TXNRD1: variants seen among roughly 807,000 people sequenced by gnomAD.
The protein encoded by TXNRD1 is thioredoxin reductase 1.
TXNRD1 carries 57 observed loss-of-function variants against 80.3 expected under a neutral mutation model. That is an observed-to-expected ratio of 0.71 (90% confidence interval 0.57 to 0.89). TXNRD1 has a LOEUF of 0.89. TXNRD1 is among the 40% of genes least tolerant of loss of function. The probability of loss-of-function intolerance (pLI) is 0.00; values close to 1 mark genes in which losing one functional copy is unlikely to be tolerated. For missense variants in TXNRD1, 730 were observed against 803.0 expected, an observed-to-expected ratio of 0.91 and a Z score of 1.10; for synonymous variants, 291 against 285.2, an observed-to-expected ratio of 1.02 and a Z score of -0.20.
At chr12:104,261,415 G>A (rs191503545) in intron 3 of TXNRD1, among the ~76,000 whole-genome samples, 36 of 152,184 alleles carry the variant, frequency 2.4e-4, no homozygotes, top group Admixed American at 4.6e-4. Flanking sequence ...CATCCACCTC[G>A]GCCTCCCAAA....
chr12:104,309,784 G>A, intron 4 of TXNRD1: 2 of 1,532,352 alleles, frequency 1.3e-6, no homozygotes, highest in South Asian at 1.2e-5. Context: ...GAGGAACCTT[G>A]GCCATAATGC....
intron 5 of TXNRD1, 34 bp from the exon 6 acceptor site, chr12:104,313,211 C>A (rs776510957): frequency 5.2e-6 from 8 of 1,526,910 alleles, no homozygotes; most frequent in Non-Finnish European, 8.9e-7. Flanking sequence ...TCATGTTAAC[C>A]TTTCCAACTC....
At chr12:104,264,263 A>G (rs1406731032) in intron 3 of TXNRD1, among the ~76,000 whole-genome samples, 1 of 152,254 alleles carries the variant, frequency 6.6e-6, no homozygotes, top group Non-Finnish European at 1.5e-5. Flanking sequence ...TAAAGGCTGT[A>G]GGATCACGGG....
chr12:104,313,082 C>T (rs1387003864), intron 5 of TXNRD1, among the ~76,000 whole-genome samples, 163 bp from the exon 6 acceptor site: 1 of 152,078 alleles, frequency 6.6e-6, no homozygotes, highest in Non-Finnish European at 1.5e-5. Context: ...TAATTTTTAT[C>T]CTGGAGTTTA....
intron 4 of TXNRD1, among the ~76,000 whole-genome samples, chr12:104,290,712 G>GAAATAT (rs2034154207): frequency 2.4e-4 from 10 of 42,364 alleles, no homozygotes; most frequent in Non-Finnish European, 4.1e-4. Context: ...AAAAAAAAAA[G>GAAATAT]AAATATACAT....
At chr12:104,340,831 A>G (rs952817881) in intron 16 of TXNRD1, among the ~76,000 whole-genome samples, 1 of 152,222 alleles carries the variant, frequency 6.6e-6, no homozygotes. Flanking sequence ...ATGGGGACAC[A>G]ATTCAACCCA....
intron 3 of TXNRD1, chr12:104,265,588 T>C: frequency 6.2e-7 from 1 of 1,607,582 alleles, no homozygotes; most frequent in Non-Finnish European, 8.5e-7. Flanking sequence ...CCACAACATG[T>C]ACCGGGAATA....
intron 1 of TXNRD1, among the ~76,000 whole-genome samples, chr12:104,251,306 G>C (rs935315085): frequency 1.3e-5 from 2 of 152,168 alleles, no homozygotes; most frequent in African/African-American, 4.8e-5. Flanking sequence ...AACATATCTT[G>C]ACTGTGATCT....
chr12:104,263,856 G>A (rs1259179193), intron 3 of TXNRD1, among the ~76,000 whole-genome samples: 1 of 152,154 alleles, frequency 6.6e-6, no homozygotes, highest in Non-Finnish European at 1.5e-5. Context: ...TCTTTTTATG[G>A]CAGTGTCTCA....
In TXNRD1 at chr12:104,265,671, C is replaced by A. The variant is rs1593725260; in HGVS notation, c.304+7592C>A. ...TGGGTGCCCGGCACCGCGCCCGAGCCCACTCCATTCAGATCATGAAGGTGG... is the reference window on the plus strand; with the variant it reads ...TGGGTGCCCGGCACCGCGCCCGAGCACACTCCATTCAGATCATGAAGGTGG... On this transcript the variant is annotated intron_variant, in intron 3 of 16. Coordinates refer to ENST00000525566, the MANE Select transcript of TXNRD1 (RefSeq NM_001093771.3). 8 of 1,605,230 alleles carry A rather than the reference C, an allele frequency of 5.0e-6. No individual in the cohort carries two copies. In the East Asian group the frequency reaches 1.8e-4, roughly 36 times the overall value.
chr12:104,271,008 G>A (rs11111968), intron 3 of TXNRD1, among the ~76,000 whole-genome samples: 63,485 of 151,670 alleles, frequency 0.42, 13,706 homozygotes, highest in East Asian at 0.66. Flanking sequence ...AAAATTAGCC[G>A]GGTGTGGTGG....
chr12:104,335,727 C>A (rs1011704675), intron 15 of TXNRD1, among the ~76,000 whole-genome samples: 4 of 152,076 alleles, frequency 2.6e-5, no homozygotes, highest in African/African-American at 9.7e-5. Flanking sequence ...GAAACGACCT[C>A]AGTAAAAATA....
At chr12:104,238,582 G>GT (rs1232056617) in intron 1 of TXNRD1, among the ~76,000 whole-genome samples, 3 of 152,208 alleles carry the variant, frequency 2.0e-5, no homozygotes, top group African/African-American at 4.8e-5. Flanking sequence ...TTTGTTGAGT[G>GT]TTTTTTATCA....
chr12:104,326,345 A>G lies in TXNRD1; in HGVS notation c.1309-2A>G, dbSNP rs867249544. 6.3e-7 allele frequency: 1 copy of G among 1,576,762 alleles called. No individual in the cohort carries two copies. The highest frequency in any genetic ancestry group is 8.6e-7 in the Non-Finnish European group (1 of 1,163,530). On this transcript the variant is annotated splice_acceptor_variant, in intron 11 of 16. Coordinates refer to ENST00000525566, the MANE Select transcript of TXNRD1 (RefSeq NM_001093771.3). LOFTEE classifies it high-confidence loss of function. ...GTCACTAATATATTAATAATTTTTC[A>G]GGTGATGCTGGCAATAGGAAGAGAT...
intron 14 of TXNRD1, chr12:104,333,980 CT>C (rs2135870310): frequency 8.3e-6 from 2 of 239,998 alleles, no homozygotes; most frequent in Non-Finnish European, 1.6e-5. Context: ...TTCCCTTGCT[CT>C]TTTTTGTTAT....
intron 2 of TXNRD1, among the ~76,000 whole-genome samples, chr12:104,254,324 C>G (rs778095803): frequency 2.6e-5 from 4 of 151,892 alleles, no homozygotes; most frequent in Non-Finnish European, 5.9e-5. Context: ...GGACTTAAAA[C>G]CTTGGGTGGT....
chr12:104,317,486 A>G (rs897471766), intron 7 of TXNRD1, among the ~76,000 whole-genome samples: 4 of 151,242 alleles, frequency 2.6e-5, no homozygotes, highest in Non-Finnish European at 4.4e-5. Flanking sequence ...CTATAAATCA[A>G]TTTTTTGTGC....
At chr12:104,334,023 A>G (rs1289026056) in intron 14 of TXNRD1, 2 of 315,622 alleles carry the variant, frequency 6.3e-6, no homozygotes, top group Non-Finnish European at 1.2e-5. Context: ...AGGTAGAGAT[A>G]TACATAATTA....
intron 1 of TXNRD1, among the ~76,000 whole-genome samples, chr12:104,241,052 T>G (rs1442742936): frequency 6.6e-6 from 1 of 150,852 alleles, no homozygotes; most frequent in Non-Finnish European, 1.5e-5. Context: ...TTTTTTTTCT[T>G]TTTTTGAGAC....
Sources: allele counts gnomAD v4.1 joint callset (sites outside exome capture counted in the v4.1 genomes callset), GRCh38; gene constraint gnomAD v4.1.1; transcripts MANE v1.5; gene names NCBI Gene and HGNC (gene_info 2026-07-23, HGNC 2026-07-21).